Variants in BPI observed in about 807,000 individuals in gnomAD.
BPI encodes bactericidal permeability increasing protein.
In BPI, 48 loss-of-function variants were observed where a neutral mutation model predicts 57.6. The observed-to-expected ratio is 0.83, with a 90% CI of 0.66 to 1.06. BPI has a LOEUF of 1.06. Ranked by LOEUF, BPI falls within the 50% of genes least tolerant of loss-of-function variation. The pLI is 0.00. For missense variants in BPI, 651 were observed against 609.7 expected (o/e 1.07, Z -0.71); for synonymous variants, 237 against 238.2 (o/e 0.99, Z 0.05).
chr20:38,321,356 C>T (rs2076684743), intron 7 of BPI, among the ~76,000 whole-genome samples: 1 of 151,612 alleles, frequency 6.6e-6, no homozygotes, highest in Non-Finnish European at 1.5e-5. Context: ...CACCACCCTC[C>T]AACCAGACAC....
intron 11 of BPI, among the ~76,000 whole-genome samples, chr20:38,329,500 A>G (rs2076731802): frequency 6.6e-6 from 1 of 152,194 alleles, no homozygotes. Context: ...ATGGGCCTCT[A>G]AAGTAAAGGA....
intron 7 of BPI, 93 bp downstream of exon 7, chr20:38,320,367 C>T: frequency 2.6e-6 from 3 of 1,147,116 alleles, no homozygotes; most frequent in Admixed American, 4.1e-5. Flanking sequence ...AACAATGTCC[C>T]CTACTTCCTA....
intron 12 of BPI, among the ~76,000 whole-genome samples, chr20:38,332,744 G>T (rs370408255): frequency 6.6e-6 from 1 of 152,084 alleles, no homozygotes; most frequent in Non-Finnish European, 1.5e-5. Context: ...TAGGTGGTTC[G>T]CCTGCCCAGG....
chr20:38,324,746 G>T, intron 8 of BPI, 28 bp from the exon 9 acceptor site: 1 of 1,589,470 alleles, frequency 6.3e-7, no homozygotes, highest in South Asian at 1.1e-5. Context: ...AGCATCCTCC[G>T]AGATCCTTTT....
intron 4 of BPI, among the ~76,000 whole-genome samples, chr20:38,311,438 G>A (rs1254831038): frequency 6.6e-6 from 1 of 152,238 alleles, no homozygotes; most frequent in Non-Finnish European, 1.5e-5. Flanking sequence ...GCATCTGGGA[G>A]CAGGCCAATT....
chr20:38,309,121 A>C lies in BPI; in HGVS notation c.374+63A>C, dbSNP rs558691834. ...TGGTGATATTTGGACGGGATTAGAGAGTCAGCGTCTCTGGAATGCCCAATT... is the reference window on the plus strand; with the variant it reads ...TGGTGATATTTGGACGGGATTAGAGCGTCAGCGTCTCTGGAATGCCCAATT... On this transcript the variant is annotated intron_variant, in intron 3 of 14. Transcript: ENST00000642449. 68 of 1,604,532 alleles carry C rather than the reference A, an allele frequency of 4.2e-5. No homozygotes were observed. In the South Asian group the frequency reaches 7.0e-4, roughly 16 times the overall value.
intron 11 of BPI, among the ~76,000 whole-genome samples, chr20:38,330,726 A>C (rs1262632931): frequency 6.6e-6 from 1 of 152,238 alleles, no homozygotes; most frequent in African/African-American, 2.4e-5. Context: ...TATTCCCAGC[A>C]GAAGTCCTGG....
At chr20:38,329,700 G>A (rs562187374) in intron 11 of BPI, among the ~76,000 whole-genome samples, 17 of 149,884 alleles carry the variant, frequency 1.1e-4, no homozygotes, top group South Asian at 2.2e-4. Context: ...AGCCCTGTTC[G>A]AAACCCTGCT....
chr20:38,314,801 T>C (rs569850086), intron 5 of BPI, among the ~76,000 whole-genome samples: 85 of 120,902 alleles, frequency 7.0e-4, no homozygotes, highest in African/African-American at 2.7e-3. Context: ...TATGGTGAGA[T>C]TGATGATGGT....
intron 5 of BPI, chr20:38,318,139 T>TA: frequency 2.5e-6 from 2 of 788,080 alleles, no homozygotes; most frequent in Non-Finnish European, 3.1e-6. Flanking sequence ...AAAAACCTTA[T>TA]AAAATAGAAA....
At chr20:38,329,452 C>T (rs2076731464) in intron 11 of BPI, among the ~76,000 whole-genome samples, 1 of 152,226 alleles carries the variant, frequency 6.6e-6, no homozygotes, top group Non-Finnish European at 1.5e-5. Flanking sequence ...AGCATTACTG[C>T]TTCAGAAACG....
At chr20:38,313,655 C>T (rs150742024) in intron 5 of BPI, among the ~76,000 whole-genome samples, 115 of 152,272 alleles carry the variant, frequency 7.6e-4, no homozygotes, top group African/African-American at 2.8e-3. Context: ...AGTAATGCTG[C>T]TGCTGCTGTT....
rs566106496 is a variant in BPI, at chr20:38,306,249, A to C, written c.131-1318A>C. On this transcript the variant is annotated intron_variant, in intron 1 of 14. Transcript: ENST00000642449. ...GGTTTCACCATGTTGGCCAGGCTGAACTCTTGAACTCTTGACCTAAAGTGA... is the reference window on the plus strand; with the variant it reads ...GGTTTCACCATGTTGGCCAGGCTGACCTCTTGAACTCTTGACCTAAAGTGA... 2.6e-5 allele frequency among the ~76,000 whole-genome samples: 4 copies of C among 152,034 alleles called. No individual in the cohort carries two copies. The South Asian group carries it at 8.3e-4, about 32-fold the overall frequency.
chr20:38,331,619 G>A (rs1334768564), intron 12 of BPI, among the ~76,000 whole-genome samples: 1 of 152,032 alleles, frequency 6.6e-6, no homozygotes, highest in Non-Finnish European at 1.5e-5. Context: ...TGAAGCAGGA[G>A]GACTGCTTGA....
At chr20:38,330,969 G>T in intron 11 of BPI, 79 bp from the exon 12 acceptor site, 1 of 1,521,112 alleles carries the variant, frequency 6.6e-7, no homozygotes, top group Non-Finnish European at 9.1e-7. Flanking sequence ...CACCAGAGTG[G>T]GTCTCTCCTC....
chr20:38,329,570 T>A (rs1362482771), intron 11 of BPI, among the ~76,000 whole-genome samples: 1 of 152,188 alleles, frequency 6.6e-6, no homozygotes, highest in Non-Finnish European at 1.5e-5. Context: ...ATGCAGGGGA[T>A]GGGGATAGGG....
chr20:38,328,597 G>A (rs2076725787), intron 11 of BPI, among the ~76,000 whole-genome samples: 1 of 150,178 alleles, frequency 6.7e-6, no homozygotes, highest in East Asian at 2.3e-4. Flanking sequence ...CAGCATTATT[G>A]TGAGCTGAAA....
intron 1 of BPI, among the ~76,000 whole-genome samples, chr20:38,305,386 A>G (rs2076592172): frequency 6.6e-6 from 1 of 152,154 alleles, no homozygotes; most frequent in African/African-American, 2.4e-5. Flanking sequence ...CCTTCTACCC[A>G]GGCCCCTTGT....
At position 38,334,388 on chromosome 20, in the gene BPI, G is replaced by A. The variant is rs5743541; in HGVS notation, c.1273-42G>A. The A allele has an allele frequency of 3.6e-5, 56 of 1,573,434 alleles. No homozygotes were observed. The African/African-American group carries it at 5.4e-4, about 15-fold the overall frequency. ...AGGACTGCTGGACCCGCAAGGTTCTGGCGATGCAGGGCCATCCTCCCATCC... is the reference window on the plus strand; with the variant it reads ...AGGACTGCTGGACCCGCAAGGTTCTAGCGATGCAGGGCCATCCTCCCATCC... On this transcript the variant is annotated intron_variant, in intron 12 of 14. Transcript: ENST00000642449.
Sources: allele counts gnomAD v4.1 joint callset (sites outside exome capture counted in the v4.1 genomes callset), GRCh38; gene constraint gnomAD v4.1.1; transcripts MANE v1.5; gene names NCBI Gene and HGNC (gene_info 2026-07-23, HGNC 2026-07-21).